TMEM108: variants seen among roughly 807,000 people sequenced by gnomAD.
TMEM108 encodes transmembrane protein 108.
TMEM108 carries 12 observed loss-of-function variants against 35.1 expected under a neutral mutation model. That is an observed-to-expected ratio of 0.34 (90% confidence interval 0.22 to 0.55). TMEM108 has a LOEUF of 0.55. Among genes scored for constraint, TMEM108 ranks in the 20% least tolerant of loss-of-function variants. The pLI is 0.89. For missense variants in TMEM108, 680 were observed against 753.3 expected (o/e 0.90, Z 1.14); for synonymous variants, 287 against 308.6 (o/e 0.93, Z 0.73).
chr3:133,160,871 T>G (rs1163136486), intron 2 of TMEM108, among the ~76,000 whole-genome samples: 1 of 152,164 alleles, frequency 6.6e-6, no homozygotes, highest in African/African-American at 2.4e-5. Context: ...GGTTTAAAGA[T>G]TTGATGCAAA....
chr3:133,106,441 T>C (rs536030563), intron 2 of TMEM108, among the ~76,000 whole-genome samples: 166 of 152,072 alleles, frequency 1.1e-3, no homozygotes, highest in Admixed American at 2.6e-3. Flanking sequence ...CAGAGAGAAC[T>C]GCATGAGTGA....
At chr3:133,191,039 A>G (rs1187125213) in intron 2 of TMEM108, among the ~76,000 whole-genome samples, 1 of 152,132 alleles carries the variant, frequency 6.6e-6, no homozygotes, top group Admixed American at 6.5e-5. Flanking sequence ...CAGAGTACCA[A>G]TGTGGTTCAT....
chr3:133,301,786 C>G (rs1174280000), intron 3 of TMEM108, among the ~76,000 whole-genome samples: 2 of 152,092 alleles, frequency 1.3e-5, no homozygotes, highest in East Asian at 1.9e-4. Context: ...ATTCAAAGAC[C>G]AGCACAAAAA....
intron 3 of TMEM108, among the ~76,000 whole-genome samples, chr3:133,374,612 A>G (rs924303103): frequency 1.3e-5 from 2 of 151,454 alleles, no homozygotes; most frequent in Non-Finnish European, 2.9e-5. Context: ...CATAATTTTT[A>G]TTCTACCAAA....
intron 2 of TMEM108, among the ~76,000 whole-genome samples, chr3:133,066,392 AAAT>A (rs1431316308): frequency 6.6e-6 from 1 of 152,166 alleles, no homozygotes; most frequent in Non-Finnish European, 1.5e-5. Flanking sequence ...GATTCATAAA[AAAT>A]AATAACTTAA....
intron 2 of TMEM108, 73 bp from the exon 3 acceptor site, chr3:133,229,193 A>G (rs369178255): frequency 3.8e-5 from 37 of 981,716 alleles, no homozygotes; most frequent in African/African-American, 8.2e-5. Context: ...CCAAGATCCT[A>G]TTGAGTGGAG....
At chr3:133,342,550 A>ATC (rs1306141366) in intron 3 of TMEM108, among the ~76,000 whole-genome samples, 2 of 92,674 alleles carry the variant, frequency 2.2e-5, no homozygotes, top group Non-Finnish European at 4.7e-5. Context: ...TGTGGTATAT[A>ATC]TATATACACA....
intron 4 of TMEM108, chr3:133,387,801 A>G (rs2073175194): frequency 1.0e-6 from 1 of 978,066 alleles, no homozygotes; most frequent in African/African-American, 1.8e-5. Context: ...TCATGCAAGT[A>G]ATAGATTGTC....
chr3:133,180,895 C>G (rs1945327226), intron 2 of TMEM108, among the ~76,000 whole-genome samples: 1 of 150,982 alleles, frequency 6.6e-6, no homozygotes, highest in Non-Finnish European at 1.5e-5. Context: ...ATTCCAATTT[C>G]AAACAACTTT....
chr3:133,147,267 G>A (rs1017584158), intron 2 of TMEM108, among the ~76,000 whole-genome samples: 1 of 152,100 alleles, frequency 6.6e-6, no homozygotes, highest in South Asian at 2.1e-4. Context: ...TAGTTGTGTG[G>A]GTGTGAGTGA....
intron 3 of TMEM108, chr3:133,247,118 C>T (rs1377869694): frequency 6.6e-6 from 1 of 152,218 alleles, no homozygotes; most frequent in Non-Finnish European, 1.5e-5. Flanking sequence ...ATAAAACCTT[C>T]AATCACAATA....
intron 2 of TMEM108, among the ~76,000 whole-genome samples, chr3:133,162,780 A>C (rs1005081439): frequency 4.6e-5 from 7 of 152,250 alleles, no homozygotes; most frequent in African/African-American, 1.7e-4. Context: ...AGTTGGGAAT[A>C]GAAATTATTT....
chr3:133,340,575 T>C lies in TMEM108; in HGVS notation c.41-39177T>C, dbSNP rs182458034. 4.2e-4 allele frequency among the ~76,000 whole-genome samples: 63 copies of C among 151,432 alleles called. No individual in the cohort carries two copies. In the East Asian group the frequency reaches 0.012, roughly 28 times the overall value. ...CCGAACTCATTCTATAAGACCAGTA[T>C]CACCCTGATACCAAAACCAGACAGA... On this transcript the variant is annotated intron_variant, in intron 3 of 5. Transcript: ENST00000321871.
At chr3:133,155,986 G>T (rs1439067912) in intron 2 of TMEM108, among the ~76,000 whole-genome samples, 2 of 151,996 alleles carry the variant, frequency 1.3e-5, no homozygotes, top group Middle Eastern at 3.4e-3. Context: ...TCACATTTAG[G>T]TCTTTAATCC....
intron 2 of TMEM108, among the ~76,000 whole-genome samples, chr3:133,073,510 C>CTCTCTCTCTCTCTCTATA: frequency 3.6e-3 from 158 of 43,866 alleles, no homozygotes; most frequent in African/African-American, 7.4e-3. Flanking sequence ...CTCTCTCTCT[C>CTCTCTCTCTCTCTCTATA]TATATATATA....
rs780949212 is a variant in TMEM108, at chr3:133,381,143, G to T, written c.1432G>T (p.Val478Leu). The T allele has an allele frequency of 6.2e-7, 1 of 1,602,958 alleles. No homozygotes were observed. Among genetic ancestry groups the T allele is most frequent in the Non-Finnish European group, 8.5e-7 (1 of 1,172,102 alleles). Reference protein sequence around the residue: ...DIAWVILAISVPISSCSVLLT... With the variant: ...DIAWVILAISLPISSCSVLLT... ...CGCCTGGGTGATCCTGGCCATCAGC[G>T]TGCCCATCTCCTCCTGCTGTAAGTG... Residue 478 changes from valine (V) to leucine (L), a missense_variant, in exon 4 of 6, where the codon GTG becomes TTG. Transcript: ENST00000321871.
intron 3 of TMEM108, among the ~76,000 whole-genome samples, chr3:133,289,704 A>G (rs1370027717): frequency 6.6e-6 from 1 of 152,220 alleles, no homozygotes; most frequent in African/African-American, 2.4e-5. Flanking sequence ...AGATTTAAGA[A>G]TGAAATCATT....
chr3:133,241,751 A>G (rs1246324311), intron 3 of TMEM108, among the ~76,000 whole-genome samples: 1 of 151,126 alleles, frequency 6.6e-6, no homozygotes, highest in African/African-American at 2.4e-5. Flanking sequence ...AGTAGCTGGG[A>G]TTACAGGTGC....
At chr3:133,214,723 A>G (rs1945881284) in intron 2 of TMEM108, among the ~76,000 whole-genome samples, 1 of 152,140 alleles carries the variant, frequency 6.6e-6, no homozygotes, top group Admixed American at 6.5e-5. Flanking sequence ...GCCTGTTAGG[A>G]ACCAGGATGC....
Sources: gnomAD v4.1 joint callset for allele counts (sites outside exome capture counted in the v4.1 genomes callset) on GRCh38, gnomAD v4.1.1 for gene constraint, MANE v1.5 for transcripts, NCBI Gene and HGNC (gene_info 2026-07-23, HGNC 2026-07-21) for gene names.